The following COMMD8 variants were observed in gnomAD, a reference collection of about 807,000 sequenced individuals.
COMMD8 encodes COMM domain-containing protein 8.
A neutral mutation model predicts 27.2 loss-of-function variants in COMMD8; 28 were observed. That is an observed-to-expected ratio of 1.03 (90% CI 0.76 to 1.41). COMMD8 has a LOEUF of 1.41. COMMD8 is among the 40% of genes most tolerant of loss of function. COMMD8 has a pLI of 0.00. For missense variants in COMMD8, 217 were observed against 211.2 expected (o/e 1.03, Z -0.17); for synonymous variants, 79 against 75.5 (o/e 1.05, Z -0.24).
At chr4:47,451,851 C>G (rs148154889) in intron 4 of COMMD8, among the ~76,000 whole-genome samples, 186 bp from the exon 5 acceptor site, 1 of 152,200 alleles carries the variant, frequency 6.6e-6, no homozygotes. Flanking sequence ...CCATTTATAT[C>G]GGGCTCTATC....
intron 3 of COMMD8, among the ~76,000 whole-genome samples, chr4:47,456,296 A>ATG (rs1553886683): frequency 2.3e-5 from 3 of 128,010 alleles, no homozygotes; most frequent in African/African-American, 8.9e-5. Context: ...ATATATATAT[A>ATG]TATATGTATA....
chr4:47,459,506 T>C (rs1365802294), intron 2 of COMMD8, among the ~76,000 whole-genome samples: 1 of 152,130 alleles, frequency 6.6e-6, no homozygotes, highest in Non-Finnish European at 1.5e-5. Flanking sequence ...AAAGAAGCAA[T>C]GACTATTCAT....
At chr4:47,452,005 G>A (rs1729766962) in intron 4 of COMMD8, among the ~76,000 whole-genome samples, 1 of 152,162 alleles carries the variant, frequency 6.6e-6, no homozygotes, top group African/African-American at 2.4e-5. Flanking sequence ...GTTTATCAGA[G>A]TTTTTAAAAA....
At chr4:47,459,019 G>A (rs1674806574) in intron 2 of COMMD8, among the ~76,000 whole-genome samples, 1 of 151,960 alleles carries the variant, frequency 6.6e-6, no homozygotes, top group African/African-American at 2.4e-5. Context: ...AAATGCATCA[G>A]TAACATAATG....
intron 2 of COMMD8, among the ~76,000 whole-genome samples, chr4:47,457,912 A>G (rs559787985): frequency 6.6e-6 from 1 of 151,824 alleles, no homozygotes; most frequent in East Asian, 1.9e-4. Context: ...AAATATTGGC[A>G]ATCCAAATCA....
intron 1 of COMMD8, among the ~76,000 whole-genome samples, chr4:47,463,061 T>G (rs1730102664): frequency 6.6e-6 from 1 of 152,236 alleles, no homozygotes. Context: ...TTTTTCCAGA[T>G]TCTTACAAGC....
rs1729747296 is a variant in COMMD8, at chr4:47,451,361, T to C, written c.*284A>G. The C allele has an allele frequency of 2.7e-6, 1 of 364,014 alleles. No homozygotes were observed. The highest frequency in any genetic ancestry group is 3.4e-5 in the South Asian group (1 of 29,738). The allele number at this position is 364,014 out of a possible 1,614,324, so 22.5% of individuals were successfully genotyped here. ...TTTTAGCTTTCAATAAAACTATGTATCTCCAAAGATTTCTCAAATATTTAA... is the reference window on the plus strand; with the variant it reads ...TTTTAGCTTTCAATAAAACTATGTACCTCCAAAGATTTCTCAAATATTTAA... On this transcript the variant is annotated 3_prime_UTR_variant, in exon 5 of 5. Transcript: ENST00000381571.
At chr4:47,452,945 G>A (rs1729789356) in intron 4 of COMMD8, 114 bp downstream of exon 4, 7 of 835,042 alleles carry the variant, frequency 8.4e-6, no homozygotes, top group Middle Eastern at 3.2e-4. Flanking sequence ...GCAGTGAGCC[G>A]AGTTCGCGCC....
chr4:47,452,424 T>C (rs1177403441), intron 4 of COMMD8, among the ~76,000 whole-genome samples: 2 of 152,206 alleles, frequency 1.3e-5, no homozygotes, highest in East Asian at 3.8e-4. Flanking sequence ...ATAAAAACTC[T>C]TCAGAATCAA....
intron 3 of COMMD8, 83 bp from the exon 4 acceptor site, chr4:47,453,297 A>G (rs1176004769): frequency 8.8e-7 from 1 of 1,137,044 alleles, no homozygotes; most frequent in Non-Finnish European, 1.2e-6. Context: ...TTAGCAGTAC[A>G]TTTTTTAAAA....
chr4:47,456,820 TAAAAGA>T (rs922391130), intron 2 of COMMD8, 91 bp from the exon 3 acceptor site: 4 of 917,680 alleles, frequency 4.4e-6, no homozygotes, highest in Non-Finnish European at 3.2e-6. Flanking sequence ...AAAGCAACAG[TAAAAGA>T]AAAAGAGAAA....
At chr4:47,459,448 C>T (rs921734861) in intron 2 of COMMD8, among the ~76,000 whole-genome samples, 3 of 151,924 alleles carry the variant, frequency 2.0e-5, no homozygotes, top group Non-Finnish European at 4.4e-5. Context: ...TGAGTGTGAA[C>T]AAGGAGACAT....
rs1160815903 is a variant in COMMD8 at position 47,463,604 on chromosome 4, C to G, written c.48G>C (p.Pro16=). 9.1e-6 allele frequency: 14 copies of G among 1,546,678 alleles called. No homozygotes were observed. The highest frequency in any genetic ancestry group is 2.4e-5 in the South Asian group (2 of 83,872). Residue 16 remains proline (P), a synonymous_variant, in exon 1 of 5, where the codon CCG becomes CCC. Transcript: ENST00000381571. Reference sequence around the variant, plus strand: ...CCCTCACCTGCGGGCCCAGCTCGGCCGGCAGCTTCTGCAGCCGCCACAAGG... The same window carrying G: ...CCCTCACCTGCGGGCCCAGCTCGGCGGGCAGCTTCTGCAGCCGCCACAAGG... ...GTPLWRLQKL[P]AELGPQLLHK... is the part of the protein sequence containing the mutation.
chr4:47,461,819 T>C (rs1578175728), intron 1 of COMMD8, among the ~76,000 whole-genome samples: 2 of 152,114 alleles, frequency 1.3e-5, no homozygotes, highest in South Asian at 4.1e-4. Flanking sequence ...TGAGAATAAA[T>C]AAGGCCCTAC....
chr4:47,451,628 G>A lies in COMMD8; in HGVS notation c.*17C>T, dbSNP rs1348247229. 14 of 1,581,728 alleles carry A rather than the reference G, an allele frequency of 8.9e-6. No homozygotes were observed. The highest frequency in any genetic ancestry group is 1.0e-5 in the Non-Finnish European group (12 of 1,163,322). On this transcript the variant is annotated 3_prime_UTR_variant, in exon 5 of 5. Coordinates refer to ENST00000381571, the MANE Select transcript of COMMD8 (RefSeq NM_017845.5). ...GGAGCAATAAAATCTGATAGGACTGGTATTCATCATTTCCAGTTATTTCAA... is the reference window on the plus strand; with the variant it reads ...GGAGCAATAAAATCTGATAGGACTGATATTCATCATTTCCAGTTATTTCAA...
intron 1 of COMMD8, 52 bp from the exon 2 acceptor site, chr4:47,460,351 AT>A: frequency 6.8e-7 from 1 of 1,468,904 alleles, no homozygotes; most frequent in South Asian, 1.2e-5. Flanking sequence ...GATGAAACAA[AT>A]TTATCTTCCT....
chr4:47,451,736 C>T, intron 4 of COMMD8, 71 bp from the exon 5 acceptor site: 1 of 1,204,496 alleles, frequency 8.3e-7, no homozygotes, highest in South Asian at 1.5e-5. Context: ...ATATTAAATG[C>T]TTTGAAGTCT....
intron 3 of COMMD8, among the ~76,000 whole-genome samples, chr4:47,455,134 C>CT (rs1311458650): frequency 6.6e-6 from 1 of 151,944 alleles, no homozygotes; most frequent in African/African-American, 2.4e-5. Context: ...GTGCCTCAGC[C>CT]TCCCAAGTAG....
chr4:47,452,442 A>T (rs139263837), intron 4 of COMMD8, among the ~76,000 whole-genome samples: 102 of 152,338 alleles, frequency 6.7e-4, no homozygotes, highest in Non-Finnish European at 1.2e-3. Context: ...CAATTTTATT[A>T]TTCTAAGGTA....
Sources: gnomAD v4.1 joint callset for allele counts (sites outside exome capture counted in the v4.1 genomes callset) on GRCh38, gnomAD v4.1.1 for gene constraint, MANE v1.5 for transcripts, NCBI Gene and HGNC (gene_info 2026-07-23, HGNC 2026-07-21) for gene names.